TENM1: variants seen among roughly 807,000 people sequenced by gnomAD.
The protein encoded by TENM1 is teneurin-1.
A neutral mutation model predicts 174.8 loss-of-function variants in TENM1; 35 were observed. That is an observed-to-expected ratio of 0.20 (90% CI 0.15 to 0.27). The LOEUF (loss-of-function observed/expected upper bound fraction) is 0.27. Ranked by LOEUF, TENM1 falls within the 10% of genes least tolerant of loss-of-function variation. The pLI is 1.00. For synonymous variants in TENM1, 781 were observed against 798.7 expected, an observed-to-expected ratio of 0.98 and a Z score of 0.37; for missense variants, 1,633 against 2,130.1, an observed-to-expected ratio of 0.77 and a Z score of 4.59.
At chrX:124,765,693 AGCAGCACCAT>A (rs1247505151) in intron 3 of TENM1, among the ~76,000 whole-genome samples, 1 of 112,383 alleles carries the variant, frequency 8.9e-6, no homozygotes, top group Non-Finnish European at 1.9e-5. Context: ...TAACTTCAGC[AGCAGCACCAT>A]GTATCAAAAA....
At chrX:124,962,090 G>A (rs1300997684) in intron 1 of TENM1, among the ~76,000 whole-genome samples, 3 of 111,678 alleles carry the variant, frequency 2.7e-5, no homozygotes, top group Non-Finnish European at 5.6e-5. Flanking sequence ...GTGGGATTAG[G>A]AGTGTTAAGA....
chrX:124,806,840 G>A (rs2055612958), intron 3 of TENM1, among the ~76,000 whole-genome samples: 1 of 110,598 alleles, frequency 9.0e-6, no homozygotes, highest in African/African-American at 3.3e-5. Flanking sequence ...GTGAGAGCAG[G>A]AGCAAGGGTG....
the TENM1 span, among the ~76,000 whole-genome samples, chrX:125,071,848 T>C: frequency 9.0e-6 from 1 of 111,259 alleles, no homozygotes; most frequent in Non-Finnish European, 1.9e-5. Flanking sequence ...TTTCAAACTC[T>C]ATATTCATAT....
intron 6 of TENM1, among the ~76,000 whole-genome samples, chrX:124,656,064 T>C (rs2051433697): frequency 8.9e-6 from 1 of 112,434 alleles, no homozygotes; most frequent in Non-Finnish European, 1.9e-5. Context: ...AAATGCATCA[T>C]TTGGTTATGC....
chrX:125,200,654 T>TGTGTGAGAGAGA, the TENM1 span, among the ~76,000 whole-genome samples: 823 of 92,395 alleles, frequency 8.9e-3, 14 homozygotes, highest in African/African-American at 0.033. Flanking sequence ...TGTGTGTGTG[T>TGTGTGAGAGAGA]GAGAGAGAGA....
At chrX:125,060,193 A>T in the TENM1 span, among the ~76,000 whole-genome samples, 8,620 of 104,890 alleles carry the variant, frequency 0.082, 1,148 homozygotes, top group African/African-American at 0.3. Flanking sequence ...ACACACACAC[A>T]CACACACACA....
At chrX:125,008,353 C>T in the TENM1 span, among the ~76,000 whole-genome samples, 2 of 111,401 alleles carry the variant, frequency 1.8e-5, no homozygotes, top group African/African-American at 6.5e-5. Context: ...TATATATGCA[C>T]CCAATACAGG....
At chrX:125,197,661 C>T in the TENM1 span, among the ~76,000 whole-genome samples, 16 of 111,714 alleles carry the variant, frequency 1.4e-4, no homozygotes, top group Admixed American at 3.8e-4. Context: ...ATAAAATACA[C>T]GTAATTCAAC....
At chrX:125,090,212 A>G in the TENM1 span, among the ~76,000 whole-genome samples, 20 of 112,096 alleles carry the variant, frequency 1.8e-4, no homozygotes, top group Non-Finnish European at 3.6e-4. Context: ...AATAATATGT[A>G]GGGACTTTCC....
the TENM1 span, among the ~76,000 whole-genome samples, chrX:125,150,413 C>CA: frequency 0.12 from 12,946 of 111,548 alleles, 634 homozygotes; most frequent in Middle Eastern, 0.16. Flanking sequence ...GCCGAGCCTG[C>CA]ATTCCTTTCA....
At chrX:125,191,298 A>G in the TENM1 span, among the ~76,000 whole-genome samples, 1 of 112,087 alleles carries the variant, frequency 8.9e-6, no homozygotes, top group East Asian at 2.8e-4. Context: ...AATATTTATT[A>G]ATCACCTACT....
the TENM1 span, among the ~76,000 whole-genome samples, chrX:125,176,249 A>G: frequency 8.9e-6 from 1 of 111,927 alleles, no homozygotes; most frequent in Admixed American, 9.5e-5. Flanking sequence ...TTGATACTAT[A>G]CACATTAACA....
intron 25 of TENM1, among the ~76,000 whole-genome samples, chrX:124,407,943 T>G (rs148786715): frequency 0.022 from 2,470 of 110,773 alleles, 68 homozygotes; most frequent in African/African-American, 0.078. Context: ...GACTGAAGAG[T>G]GCTGTTTCTT....
intron 3 of TENM1, among the ~76,000 whole-genome samples, chrX:124,842,007 T>G (rs2147365029): frequency 8.9e-6 from 1 of 112,141 alleles, no homozygotes; most frequent in South Asian, 3.7e-4. Flanking sequence ...CCTAGAAATA[T>G]TCCAAAGTTT....
chrX:124,407,896 G>T (rs2060481019), intron 25 of TENM1, among the ~76,000 whole-genome samples: 1 of 112,210 alleles, frequency 8.9e-6, no homozygotes, highest in Non-Finnish European at 1.9e-5. Flanking sequence ...GGTTGGCACA[G>T]TGCTATTATG....
the TENM1 span, among the ~76,000 whole-genome samples, chrX:125,154,331 T>A: frequency 1.8e-5 from 2 of 112,128 alleles, no homozygotes; most frequent in Admixed American, 9.4e-5. Flanking sequence ...GAGTAAGAGA[T>A]GAAAACTAGT....
chrX:124,646,719 G>C, exon 9 of TENM1: 1 of 1,192,562 alleles, frequency 8.4e-7, no homozygotes, highest in Non-Finnish European at 1.1e-6. Flanking sequence ...CTCTAGCACA[G>C]TCAGGTCCAA....
At chrX:124,871,807 G>A (rs2057113444) in intron 3 of TENM1, among the ~76,000 whole-genome samples, 1 of 110,668 alleles carries the variant, frequency 9.0e-6, no homozygotes, top group Non-Finnish European at 1.9e-5. Context: ...GCTGAGGCAG[G>A]CGAATCATGA....
intron 23 of TENM1, among the ~76,000 whole-genome samples, chrX:124,437,596 A>C (rs747284565): frequency 8.9e-6 from 1 of 111,934 alleles, no homozygotes; most frequent in East Asian, 2.8e-4. Context: ...ACAATTCTGT[A>C]CCAAATGGTT....
Sources: gnomAD v4.1 joint callset for allele counts (sites outside exome capture counted in the v4.1 genomes callset) on GRCh38, gnomAD v4.1.1 for gene constraint, MANE v1.5 for transcripts, NCBI Gene and HGNC (gene_info 2026-07-23, HGNC 2026-07-21) for gene names.